TOX3: variants seen among roughly 807,000 people sequenced by gnomAD.
The protein encoded by TOX3 is TOX high mobility group box family member 3.
In TOX3, 22 loss-of-function variants were observed where a neutral mutation model predicts 64.3. That is an observed-to-expected ratio of 0.34 (90% CI 0.24 to 0.49). The LOEUF is 0.49. Among genes scored for constraint, TOX3 ranks in the 20% least tolerant of loss-of-function variants. TOX3 has a pLI of 0.99. For synonymous variants in TOX3, 291 were observed against 273.6 expected, an observed-to-expected ratio of 1.06 and a Z score of -0.63; for missense variants, 661 against 714.4, an observed-to-expected ratio of 0.93 and a Z score of 0.85.
chr16:52,529,153 A>T (rs1962791346), intron 1 of TOX3, among the ~76,000 whole-genome samples: 1 of 152,252 alleles, frequency 6.6e-6, no homozygotes, highest in Admixed American at 6.5e-5. Flanking sequence ...GAGTGCAAAC[A>T]TTAATTTAAA....
intron 1 of TOX3, among the ~76,000 whole-genome samples, chr16:52,519,898 G>T (rs767709130): frequency 4.6e-5 from 7 of 151,684 alleles, no homozygotes; most frequent in Admixed American, 1.3e-4. Flanking sequence ...GGAGGTCAAG[G>T]CTGCGGTGAG....
At chr16:52,457,080 A>G (rs1960541132) in intron 3 of TOX3, among the ~76,000 whole-genome samples, 4 of 152,306 alleles carry the variant, frequency 2.6e-5, no homozygotes, top group African/African-American at 4.8e-5. Flanking sequence ...ACTTGCTCTA[A>G]TTTCCTTAAA....
At chr16:52,500,841 AG>A in intron 1 of TOX3, among the ~76,000 whole-genome samples, 1 of 152,334 alleles carries the variant, frequency 6.6e-6, no homozygotes, top group East Asian at 1.9e-4. Context: ...TGTGTGCCTA[AG>A]TCAGTAAAAT....
chr16:52,469,125 G>A (rs1200758945), intron 1 of TOX3, among the ~76,000 whole-genome samples: 6 of 152,150 alleles, frequency 3.9e-5, no homozygotes, highest in Non-Finnish European at 7.3e-5. Context: ...AGCTTAAAGC[G>A]ATATCTATAT....
intron 6 of TOX3, among the ~76,000 whole-genome samples, chr16:52,441,525 T>A (rs1185658912): frequency 6.6e-6 from 1 of 152,200 alleles, no homozygotes; most frequent in Non-Finnish European, 1.5e-5. Flanking sequence ...AAGAAATTCT[T>A]CCACTAATGC....
intron 1 of TOX3, among the ~76,000 whole-genome samples, chr16:52,494,823 GT>G (rs1567334693): frequency 6.6e-6 from 1 of 152,186 alleles, no homozygotes; most frequent in African/African-American, 2.4e-5. Flanking sequence ...GAGGAGAGAG[GT>G]TTTTTTCAGT....
At chr16:52,464,449 C>G (rs913861225) in intron 2 of TOX3, among the ~76,000 whole-genome samples, 2 of 152,124 alleles carry the variant, frequency 1.3e-5, no homozygotes, top group African/African-American at 4.8e-5. Flanking sequence ...ACTTAATTAG[C>G]AACATCTGTC....
In TOX3 at chr16:52,464,090, T is replaced by G. The variant is rs1960782021; in HGVS notation, c.252A>C (p.Val84=). ...CGCTGAGGGCTTGAAAGGGTAGCAGTACATCCGGCATGCCTAGGGCAGGGT... is the reference window on the plus strand; with the variant it reads ...CGCTGAGGGCTTGAAAGGGTAGCAGGACATCCGGCATGCCTAGGGCAGGGT... ...ESDPALGMPD[V]LLPFQALSDP... Residue 84 remains valine (V), a synonymous_variant, in exon 3 of 7, where the codon GTA becomes GTC. Transcript: ENST00000219746. 6.2e-7 allele frequency: 1 copy of G among 1,603,210 alleles called. No homozygotes were observed. The highest frequency in any genetic ancestry group is 1.3e-5 in the African/African-American group (1 of 74,740).
chr16:52,515,753 C>A (rs1437468066), intron 1 of TOX3, among the ~76,000 whole-genome samples: 1 of 152,172 alleles, frequency 6.6e-6, no homozygotes, highest in Non-Finnish European at 1.5e-5. Context: ...TAAATTCCTT[C>A]TTTTCGTTTC....
intron 1 of TOX3, among the ~76,000 whole-genome samples, chr16:52,518,837 C>T (rs1321143399): frequency 6.6e-6 from 1 of 152,160 alleles, no homozygotes; most frequent in Non-Finnish European, 1.5e-5. Flanking sequence ...AACTGCTTTC[C>T]CATTCTCTTC....
rs899686897 is a variant in TOX3 at position 52,460,942 on chromosome 16, C to A, written c.408+2992G>T. The stretch of plus-strand genomic sequence containing the variant: ...AGAAGGTCAGAGTGAGACTTCATTA[C>A]AAGTATTGCATGCTTGCATGAATAT... On this transcript the variant is annotated intron_variant, in intron 3 of 6. Coordinates refer to ENST00000219746, the MANE Select transcript of TOX3 (RefSeq NM_001080430.4). 2.0e-4 allele frequency among the ~76,000 whole-genome samples: 31 copies of A among 152,182 alleles called. 1 individual carries two copies. Among genetic ancestry groups the A allele is most frequent in the Non-Finnish European group, 8.8e-5 (6 of 68,000 alleles).
chr16:52,534,276 G>C (rs888430551), intron 1 of TOX3, among the ~76,000 whole-genome samples: 3 of 152,150 alleles, frequency 2.0e-5, no homozygotes, highest in African/African-American at 4.8e-5. Flanking sequence ...GCAAAGAAAG[G>C]GGGCAGAGGA....
chr16:52,452,439 A>T (rs1324537122), intron 3 of TOX3, among the ~76,000 whole-genome samples: 2 of 151,586 alleles, frequency 1.3e-5, no homozygotes, highest in African/African-American at 4.9e-5. Context: ...ATGGCTGCAT[A>T]GTATTCCATA....
intron 1 of TOX3, among the ~76,000 whole-genome samples, chr16:52,499,535 A>G (rs1451857002): frequency 6.6e-6 from 1 of 152,240 alleles, no homozygotes; most frequent in East Asian, 1.9e-4. Flanking sequence ...TCTTAGAACC[A>G]GATTGATTCT....
chr16:52,506,786 C>T (rs1458739828), intron 1 of TOX3, among the ~76,000 whole-genome samples: 1 of 152,214 alleles, frequency 6.6e-6, no homozygotes, highest in Non-Finnish European at 1.5e-5. Context: ...GATTGAATCA[C>T]ATGTTAACAA....
At chr16:52,534,249 A>G (rs1291924523) in intron 1 of TOX3, among the ~76,000 whole-genome samples, 1 of 152,226 alleles carries the variant, frequency 6.6e-6, no homozygotes, top group Non-Finnish European at 1.5e-5. Flanking sequence ...TCTAAGGCTG[A>G]CACAAAAAAT....
chr16:52,547,208 C>A (rs1251986940), upstream of TOX3, among the ~76,000 whole-genome samples: 7 of 143,574 alleles, frequency 4.9e-5, no homozygotes, highest in South Asian at 2.1e-4. Context: ...CTCCCCGCGC[C>A]GCCGCCGCTC....
intron 1 of TOX3, among the ~76,000 whole-genome samples, chr16:52,537,403 G>T (rs553502149): frequency 6.6e-6 from 1 of 152,260 alleles, no homozygotes; most frequent in East Asian, 1.9e-4. Flanking sequence ...CAACAAGAAG[G>T]GCGTTCCTAA....
intron 1 of TOX3, among the ~76,000 whole-genome samples, chr16:52,482,833 C>A (rs1961404445): frequency 6.6e-6 from 1 of 152,100 alleles, no homozygotes; most frequent in African/African-American, 2.4e-5. Context: ...ATATGGCACA[C>A]AGGAAAAATT....
Sources: gnomAD v4.1 joint callset for allele counts (sites outside exome capture counted in the v4.1 genomes callset) on GRCh38, gnomAD v4.1.1 for gene constraint, MANE v1.5 for transcripts, NCBI Gene and HGNC (gene_info 2026-07-23, HGNC 2026-07-21) for gene names.